Variants in ROCK2 observed in about 807,000 individuals in gnomAD.
The protein encoded by ROCK2 is Rho associated coiled-coil containing protein kinase 2, also known as rho-associated protein kinase 2.
Under a neutral mutation model 195.1 loss-of-function variants are expected in ROCK2, and 61 were observed. The ratio of observed to expected loss-of-function variants is 0.31; its 90% CI spans 0.25 to 0.39. The LOEUF (loss-of-function observed/expected upper bound fraction) is 0.39. Among genes scored for constraint, ROCK2 ranks in the 10% least tolerant of loss-of-function variants. The pLI is 1.00. For missense variants in ROCK2, 1,109 were observed against 1,637.4 expected, an observed-to-expected ratio of 0.68 and a Z score of 5.57; for synonymous variants, 504 against 545.5, an observed-to-expected ratio of 0.92 and a Z score of 1.06.
chr2:11,295,775 G>A (rs1399715623), intron 1 of ROCK2, among the ~76,000 whole-genome samples: 1 of 151,978 alleles, frequency 6.6e-6, no homozygotes, highest in African/African-American at 2.4e-5. Flanking sequence ...TGGCCAACAT[G>A]GTGAAACCCC....
At chr2:11,210,431 T>C (rs899678724) in intron 18 of ROCK2, among the ~76,000 whole-genome samples, 1 of 152,002 alleles carries the variant, frequency 6.6e-6, no homozygotes, top group African/African-American at 2.4e-5. Flanking sequence ...GCAATGTTCC[T>C]GCATCATTGC....
intron 28 of ROCK2, 27 bp downstream of exon 28, chr2:11,194,928 A>C: frequency 2.2e-6 from 3 of 1,365,726 alleles, no homozygotes; most frequent in Non-Finnish European, 3.0e-6. Context: ...CAAAAACAAA[A>C]GGCTCATATT....
At chr2:11,186,826 T>C (rs1663216643) in intron 32 of ROCK2, among the ~76,000 whole-genome samples, 1 of 152,194 alleles carries the variant, frequency 6.6e-6, no homozygotes, top group Non-Finnish European at 1.5e-5. Context: ...TTTGTCTGCT[T>C]GTAAAATTAT....
At chr2:11,208,043 A>AT (rs1224873878) in intron 19 of ROCK2, 133 bp from the exon 20 acceptor site, 19 of 515,118 alleles carry the variant, frequency 3.7e-5, no homozygotes, top group African/African-American at 1.6e-4. Flanking sequence ...TCATACTAAA[A>AT]TTTTTTTTGT....
chr2:11,230,064 T>C (rs1664949529), intron 5 of ROCK2, among the ~76,000 whole-genome samples: 1 of 152,166 alleles, frequency 6.6e-6, no homozygotes, highest in Non-Finnish European at 1.5e-5. Flanking sequence ...TGTGTGCATG[T>C]GGTTTATGGT....
At chr2:11,286,149 C>T (rs905831068) in intron 3 of ROCK2, among the ~76,000 whole-genome samples, 3 of 148,244 alleles carry the variant, frequency 2.0e-5, no homozygotes, top group African/African-American at 4.9e-5. Context: ...ACCAGTATGG[C>T]CTGCGAAAAT....
chr2:11,236,517 A>G (rs900476906), intron 4 of ROCK2, among the ~76,000 whole-genome samples: 1 of 152,202 alleles, frequency 6.6e-6, no homozygotes, highest in Non-Finnish European at 1.5e-5. Flanking sequence ...CACCTTGTTC[A>G]TGATAAACAA....
At chr2:11,219,148 T>G in intron 9 of ROCK2, 122 bp from the exon 10 acceptor site, 1 of 469,170 alleles carries the variant, frequency 2.1e-6, no homozygotes, top group Non-Finnish European at 3.9e-6. Context: ...CTTCAACACA[T>G]TATTTACAAA....
At chr2:11,338,799 C>T (rs183680567) in intron 1 of ROCK2, among the ~76,000 whole-genome samples, 13 of 152,016 alleles carry the variant, frequency 8.6e-5, no homozygotes, top group Admixed American at 4.6e-4. Context: ...CACACAATAA[C>T]ACAGATAACT....
At chr2:11,226,723 G>T (rs1664823027) in intron 6 of ROCK2, among the ~76,000 whole-genome samples, 1 of 151,644 alleles carries the variant, frequency 6.6e-6, no homozygotes, top group African/African-American at 2.4e-5. Flanking sequence ...ACTAGCCTGG[G>T]CAACATGATG....
chr2:11,235,303 C>T lies in ROCK2; in HGVS notation c.723+399G>A, dbSNP rs1272074469. On this transcript the variant is annotated intron_variant, in intron 5 of 32. Coordinates refer to ENST00000315872, the MANE Select transcript of ROCK2 (RefSeq NM_004850.5). The surrounding 1 kb of genome is among the most constrained non-coding windows in gnomAD (Gnocchi z 4.2). The stretch of plus-strand genomic sequence containing the variant: ...GGAGGTTGTAACATAAATTTCTTTA[C>T]TTACTTTTACCTCCTCTTAAAGAAA... Among the ~76,000 whole-genome samples, 3 of 152,116 alleles carry T rather than the reference C, an allele frequency of 2.0e-5. No individual in the cohort carries two copies. The highest frequency in any genetic ancestry group is 2.9e-5 in the Non-Finnish European group (2 of 67,988).
chr2:11,309,790 G>C (rs191752839), intron 1 of ROCK2, among the ~76,000 whole-genome samples: 3 of 152,134 alleles, frequency 2.0e-5, no homozygotes, highest in African/African-American at 4.8e-5. Flanking sequence ...GACCAGTCTG[G>C]GAAATGTGAT....
intron 1 of ROCK2, among the ~76,000 whole-genome samples, chr2:11,333,122 C>T (rs909986096): frequency 6.6e-6 from 1 of 152,122 alleles, no homozygotes; most frequent in African/African-American, 2.4e-5. Context: ...TTATATTGTA[C>T]ACTTACAATG....
At chr2:11,314,643 C>G (rs1406230393) in intron 1 of ROCK2, among the ~76,000 whole-genome samples, 3 of 151,952 alleles carry the variant, frequency 2.0e-5, no homozygotes, top group Non-Finnish European at 2.9e-5. Flanking sequence ...AAAGCTGTAT[C>G]ATAACTAAAT....
At chr2:11,280,513 C>T (rs1318495885) in intron 3 of ROCK2, among the ~76,000 whole-genome samples, 1 of 151,516 alleles carries the variant, frequency 6.6e-6, no homozygotes, top group Non-Finnish European at 1.5e-5. Flanking sequence ...CACCTGTAGT[C>T]TCAGCTACTA....
intron 1 of ROCK2, among the ~76,000 whole-genome samples, chr2:11,343,133 A>G (rs1669157993): frequency 6.6e-6 from 1 of 152,180 alleles, no homozygotes; most frequent in Non-Finnish European, 1.5e-5. Flanking sequence ...TCCCCTCCCC[A>G]GGGTAAAAGT....
intron 20 of ROCK2, among the ~76,000 whole-genome samples, 162 bp from the exon 21 acceptor site, chr2:11,202,283 A>T (rs187377244): frequency 6.6e-6 from 1 of 152,212 alleles, no homozygotes; most frequent in Admixed American, 6.5e-5. Flanking sequence ...GGTTTTTTTT[A>T]AAACTCTCAT....
At chr2:11,319,435 T>A (rs1176759478) in intron 1 of ROCK2, among the ~76,000 whole-genome samples, 1 of 152,228 alleles carries the variant, frequency 6.6e-6, no homozygotes, top group Non-Finnish European at 1.5e-5. Context: ...GCTTGTGACT[T>A]CTGCACATTG....
chr2:11,274,188 C>T (rs1666747941), intron 3 of ROCK2, among the ~76,000 whole-genome samples: 1 of 151,584 alleles, frequency 6.6e-6, no homozygotes, highest in African/African-American at 2.4e-5. Context: ...CGAAACTTTA[C>T]AATTTAAGAA....
Sources: allele counts gnomAD v4.1 joint callset (sites outside exome capture counted in the v4.1 genomes callset), GRCh38; gene constraint gnomAD v4.1.1; non-coding constraint Gnocchi (gnomAD v3.1); transcripts MANE v1.5; gene names NCBI Gene and HGNC (gene_info 2026-07-23, HGNC 2026-07-21).